ATM: variants seen among roughly 807,000 people sequenced by gnomAD.
The protein encoded by ATM is ATM serine/threonine kinase.
A neutral mutation model predicts 387.0 loss-of-function variants in ATM; 308 were observed. That is an observed-to-expected ratio of 0.80 (90% CI 0.73 to 0.87). ATM has a LOEUF of 0.87. Among genes scored for constraint, ATM ranks in the 40% least tolerant of loss-of-function variants. ATM has a pLI of 0.00. For synonymous variants in ATM, 1,156 were observed against 1,187.3 expected (o/e 0.97, Z 0.54); for missense variants, 3,312 against 3,560.9 (o/e 0.93, Z 1.78).
intron 33 of ATM, among the ~76,000 whole-genome samples, chr11:108,298,053 T>A (rs1212531674): frequency 6.6e-6 from 1 of 152,200 alleles, no homozygotes; most frequent in Non-Finnish European, 1.5e-5. Flanking sequence ...CTTGGAGGGC[T>A]AGATTAAACT....
At position 108,251,037 on chromosome 11, in the gene ATM, G is replaced by A. The variant is rs1060501667; in HGVS notation, c.1572G>A (p.Trp524Ter). The part of the protein sequence containing the change: ...GSLVEVDREF[W>*]KLFTGSACRP... ...TAGTTGAGGTTGACAGAGAATTCTG[G>A]AAGTTATTTACTGGGTCAGCCTGCA... The change falls in exon 10 of 63, where the codon TGG (tryptophan) becomes TGA (stop). Residue 524 changes from tryptophan to a stop codon, truncating the protein, a stop_gained. Transcript: ENST00000675843. LOFTEE classifies it high-confidence loss of function. 1 of 1,614,126 alleles carries A rather than the reference G, an allele frequency of 6.2e-7. No individual in the cohort carries two copies. The highest frequency in any genetic ancestry group is 8.5e-7 in the Non-Finnish European group (1 of 1,180,018).
rs12364524 is a variant in ATM at position 108,358,712 on chromosome 11, T to G, written c.8850+3838T>G. Among the ~76,000 whole-genome samples, 613 of 149,248 alleles carry G rather than the reference T, an allele frequency of 4.1e-3. 4 individuals are homozygous for G. The highest frequency in any genetic ancestry group is 0.01 in the East Asian group (52 of 5,030). On this transcript the variant is annotated intron_variant, in intron 61 of 62. Coordinates refer to ENST00000675843, the MANE Select transcript of ATM (RefSeq NM_000051.4). ...GCCAAACTAAGCTTCATCAGTGAAG[T>G]AGAAATAAAATACTTTACAGACAAG...
intron 16 of ATM, among the ~76,000 whole-genome samples, chr11:108,264,325 A>G (rs575353542): frequency 6.6e-5 from 10 of 152,324 alleles, no homozygotes; most frequent in East Asian, 1.9e-4. Flanking sequence ...GGCTGGTTCA[A>G]TGTACACAAA....
rs1060501596 is a variant in ATM, at chr11:108,235,703, A to G, written c.365A>G (p.Asn122Ser). The G allele has an allele frequency of 6.2e-7, 1 of 1,612,212 alleles. No individual in the cohort carries two copies. Among genetic ancestry groups the G allele is most frequent in the Non-Finnish European group, 8.5e-7 (1 of 1,178,468 alleles). ...APRLKCQELLNYIMDTVKDSS... is the reference protein window; with the variant it reads ...APRLKCQELLSYIMDTVKDSS... ...AGGCTAAAATGTCAAGAACTCTTAA[A>G]TTATATCATGGATACAGTGAAAGAT... The change falls in exon 5 of 63, where the codon AAT (asparagine) becomes AGT (serine). Residue 122 changes from asparagine (N) to serine (S), a missense_variant. Transcript: ENST00000675843.
intron 10 of ATM, among the ~76,000 whole-genome samples, 157 bp from the exon 11 acceptor site, chr11:108,251,680 T>A (rs961192403): frequency 1.1e-4 from 17 of 152,250 alleles, no homozygotes; most frequent in Non-Finnish European, 2.4e-4. Context: ...AGCTATTTTT[T>A]AATCAAGAAT....
At chr11:108,294,311 T>C (rs1565465125) in intron 31 of ATM, among the ~76,000 whole-genome samples, 4 of 152,264 alleles carry the variant, frequency 2.6e-5, no homozygotes, top group Non-Finnish European at 1.5e-5. Context: ...TTTGACTCTA[T>C]GTAAATATAA....
At chr11:108,328,329 C>T (rs1484627226) in intron 48 of ATM, among the ~76,000 whole-genome samples, 5 of 152,216 alleles carry the variant, frequency 3.3e-5, no homozygotes, top group African/African-American at 7.2e-5. Flanking sequence ...TCACTGCAAC[C>T]TCTGCCTCCT....
chr11:108,247,495 C>A (rs111793238), intron 8 of ATM, among the ~76,000 whole-genome samples: 2 of 152,150 alleles, frequency 1.3e-5, no homozygotes, highest in African/African-American at 2.4e-5. Flanking sequence ...CTAGAGTTCA[C>A]ATAGCATAAA....
intron 12 of ATM, 146 bp downstream of exon 12, chr11:108,253,058 T>G (rs1286961838): frequency 1.0e-5 from 7 of 682,886 alleles, no homozygotes; most frequent in Non-Finnish European, 1.5e-5. Flanking sequence ...GGGAAGAGGT[T>G]GTTTTAATTC....
At position 108,366,727 on chromosome 11, in the gene ATM, TTCC is replaced by T. The variant is rs368440018; in HGVS notation, c.*1225_*1227del. On this transcript the variant is annotated 3_prime_UTR_variant, in exon 63 of 63. Coordinates refer to ENST00000675843, the MANE Select transcript of ATM (RefSeq NM_000051.4). ...ATTTCCCAGGCCAAGGCAAACACAC[TTCC>T]TCCTCATCTCCTTGTGCTAGTGGGC... 189 of 230,874 alleles carry T rather than the reference TTCC, an allele frequency of 8.2e-4. 1 individual carries two copies. Among genetic ancestry groups the T allele is most frequent in the African/African-American group, 1.7e-3 (76 of 45,348 alleles). 14.3% of individuals were successfully genotyped at this position (230,874 alleles called of 1,614,324 possible). A position where few individuals can be genotyped will look rare whatever the true frequency, so the allele number is the denominator to read the frequency against.
chr11:108,360,476 G>A (rs1483930421), intron 61 of ATM, among the ~76,000 whole-genome samples: 5 of 116,440 alleles, frequency 4.3e-5, no homozygotes, highest in Non-Finnish European at 8.9e-5. Flanking sequence ...TACCAAAGCC[G>A]GGCAGAGACA....
In ATM at chr11:108,268,591, A is replaced by C. The variant is rs1477142492; in HGVS notation, c.2820A>C (p.Lys940Asn). ...ATTCTAGCACGCTAGAACCTACCAA[A>C]TCCCTCCACCTGCATATGGTGAGTT... Reference protein sequence around the residue: ...LIDSSTLEPTKSLHLHMYLML... With the variant: ...LIDSSTLEPTNSLHLHMYLML... The change falls in exon 18 of 63, where the codon AAA becomes AAC. Residue 940 changes from lysine to asparagine, a missense_variant. By Grantham distance (94) the Lys-to-Asn change is moderately conservative (BLOSUM62 0). Transcript: ENST00000675843. The C allele has an allele frequency of 6.2e-7, 1 of 1,613,978 alleles. No individual in the cohort carries two copies. The highest frequency in any genetic ancestry group is 8.5e-7 in the Non-Finnish European group (1 of 1,179,982).
intron 6 of ATM, 113 bp downstream of exon 6, chr11:108,244,231 C>T: frequency 6.6e-6 from 8 of 1,215,372 alleles, no homozygotes; most frequent in Non-Finnish European, 5.9e-6. Context: ...ATTGATCCAT[C>T]ATAACAGAAC....
Position 108,330,260 on chromosome 11 carries a change from C to G in ATM, c.7354C>G (p.Leu2452Val), listed in dbSNP as rs587779863. 1.2e-5 allele frequency: 20 copies of G among 1,614,172 alleles called. No homozygotes were observed. The highest frequency in any genetic ancestry group is 1.7e-5 in the Non-Finnish European group (20 of 1,180,022). ...QRELELDELA[L>V]RALKEDRKRF... is the part of the protein sequence containing the mutation. ...AGAGCTGGAGTTGGATGAATTAGCCCTGCGTGCACTGAAAGAGGATCGTAA... is the reference window on the plus strand; with the variant it reads ...AGAGCTGGAGTTGGATGAATTAGCCGTGCGTGCACTGAAAGAGGATCGTAA... Residue 2452 changes from leucine to valine, a missense_variant, in exon 50 of 63, where the codon CTG becomes GTG. Physicochemically the swap from Leu to Val is conservative, Grantham distance 32. This residue lies in a region of ATM where 1,405 missense variants were observed against 1,604.4 expected (regional missense o/e 0.88). Coordinates refer to ENST00000675843, the MANE Select transcript of ATM (RefSeq NM_000051.4).
In ATM at chr11:108,366,514, A is replaced by G. The variant is rs1373336531; in HGVS notation, c.*1006A>G. On this transcript the variant is annotated 3_prime_UTR_variant, in exon 63 of 63. Coordinates refer to ENST00000675843, the MANE Select transcript of ATM (RefSeq NM_000051.4). ...ATATCTGTTGATTTTTGTATTTGAT[A>G]GGCTGTTCATCCAGTTTTGTCTTTT... 4 of 227,892 alleles carry G rather than the reference A, an allele frequency of 1.8e-5. No individual in the cohort carries two copies. Among genetic ancestry groups the G allele is most frequent in the African/African-American group, 8.9e-5 (4 of 45,014 alleles). 14.1% of individuals were successfully genotyped at this position (227,892 alleles called of 1,614,324 possible).
In ATM at chr11:108,304,836, T is replaced by C. The variant is rs940182945; in HGVS notation, c.5658T>C (p.Pro1886=). The C allele has an allele frequency of 3.7e-6, 6 of 1,613,916 alleles. No homozygotes were observed. The African/African-American group carries it at 6.7e-5, about 18-fold the overall frequency. ...CGCAAACGAGCCGATCCACAACCCC[T>C]GCAAACTTGGATTCAGGTATTCTAT... ...HFSQTSRSTT[P]ANLDSESEHF... The change falls in exon 37 of 63, where the codon CCT becomes CCC. Residue 1886 remains proline, a synonymous_variant. Transcript: ENST00000675843.
In ATM at chr11:108,312,491, G is replaced by T. The variant is rs775921052; in HGVS notation, c.5999G>T (p.Ser2000Ile). Residue 2000 changes from serine to isoleucine, a missense_variant, in exon 40 of 63, where the codon AGT becomes ATT. Physicochemically the swap from Ser to Ile is moderately radical, Grantham distance 142 (BLOSUM62 -2). Around this residue, in one of 4 missense-constraint regions of ATM, gnomAD observed 1,405 missense variants for 1,604.4 expected, o/e 0.88. Coordinates refer to ENST00000675843, the MANE Select transcript of ATM (RefSeq NM_000051.4). ...SEKSKEETGI[S>I]LQDLLLEIYR... ...AAAAGTAAAGAAGAAACTGGAATAA[G>T]TTTACAGGTAAATATTAGAGGCTCT... The T allele has an allele frequency of 6.4e-7, 1 of 1,561,198 alleles. No individual in the cohort carries two copies. The highest frequency in any genetic ancestry group is 1.7e-4 in the Middle Eastern group (1 of 5,942).
intron 45 of ATM, among the ~76,000 whole-genome samples, chr11:108,323,580 A>G (rs1004773321): frequency 6.6e-6 from 1 of 152,214 alleles, no homozygotes; most frequent in Non-Finnish European, 1.5e-5. Flanking sequence ...CAAATGATAA[A>G]TGTTTGAGAT....
At chr11:108,235,541 A>G (rs912697632) in intron 4 of ATM, 129 bp from the exon 5 acceptor site, 2 of 917,314 alleles carry the variant, frequency 2.2e-6, no homozygotes, top group Admixed American at 5.5e-5. Context: ...TAATTTGCCA[A>G]TTTCTTCTCT....
Sources: gnomAD v4.1 joint callset for allele counts (sites outside exome capture counted in the v4.1 genomes callset) on GRCh38, gnomAD v4.1.1 for gene constraint, gnomAD v4.1.1 regional missense constraint, MANE v1.5 for transcripts, NCBI Gene and HGNC (gene_info 2026-07-23, HGNC 2026-07-21) for gene names.